The following ELK4 variants were observed in gnomAD, a reference collection of about 807,000 sequenced individuals.
ELK4 encodes the protein ETS domain-containing protein Elk-4.
A neutral mutation model predicts 29.6 loss-of-function variants in ELK4; 16 were observed. The observed-to-expected ratio is 0.54, with a 90% CI of 0.37 to 0.82. ELK4 has a LOEUF of 0.82. Among genes scored for constraint, ELK4 ranks in the 40% least tolerant of loss-of-function variants. The probability of loss-of-function intolerance (pLI) is 0.00; values close to 1 mark genes in which losing one functional copy is unlikely to be tolerated. For missense variants in ELK4, 465 were observed against 507.1 expected (o/e 0.92, Z 0.80); for synonymous variants, 213 against 191.1 (o/e 1.11, Z -0.95).
At chr1:205,624,984 C>T (rs554347902) in intron 1 of ELK4, among the ~76,000 whole-genome samples, 5 of 152,116 alleles carry the variant, frequency 3.3e-5, no homozygotes, top group South Asian at 4.2e-4. Flanking sequence ...TGGCCAAATC[C>T]GTATAAGTGT....
chr1:205,616,439 T>C lies in ELK4; in HGVS notation c.*107A>G, dbSNP rs1670232903. 3 of 995,164 alleles carry C rather than the reference T, an allele frequency of 3.0e-6. No homozygotes were observed. Among genetic ancestry groups the C allele is most frequent in the South Asian group, 3.1e-5 (2 of 63,528 alleles). The allele number at this position is 995,164 out of a possible 1,614,324, so 61.6% of individuals were successfully genotyped here. ...CAATGGGGAATGGCAAAAATCACAA[T>C]AGTCTATTATCAGCATTGTAGAACT... On this transcript the variant is annotated 3_prime_UTR_variant, in exon 5 of 5. Transcript: ENST00000357992.
In ELK4 at chr1:205,620,079, T is replaced by C. The variant is rs1670304164; in HGVS notation, c.967A>G (p.Lys323Glu). The change falls in exon 3 of 5, where the codon AAA (lysine) becomes GAA (glutamate). Residue 323 changes from lysine (K) to glutamate (E), a missense_variant. By Grantham distance (56) the Lys-to-Glu change is moderately conservative. Transcript: ENST00000357992. ...AGGGTGGGTGCCAGTTCTAACCCTT[T>C]GGGTTTCTTGGATCTTGATGAATTA... is the stretch of plus-strand genomic sequence containing the variant. ...VNNSSRSKKP[K>E]GLELAPTLVI... 5.0e-6 allele frequency: 8 copies of C among 1,614,112 alleles called. No individual in the cohort carries two copies. Among genetic ancestry groups the C allele is most frequent in the Non-Finnish European group, 6.8e-6 (8 of 1,180,058 alleles).
intron 1 of ELK4, chr1:205,625,521 A>C (rs1306044330): frequency 6.6e-6 from 5 of 756,898 alleles, no homozygotes; most frequent in Admixed American, 5.3e-5. Flanking sequence ...CGTTCAAGAA[A>C]CGGGCGGCTC....
In ELK4 at chr1:205,626,024, T is replaced by C. The variant is rs904827258; in HGVS notation, c.-9-2133A>G. 32 of 1,451,072 alleles carry C rather than the reference T, an allele frequency of 2.2e-5. No individual in the cohort carries two copies. In the African/African-American group the frequency reaches 4.3e-4, roughly 20 times the overall value. The allele number at this position is 1,451,072 out of a possible 1,614,324, so 89.9% of individuals were successfully genotyped here. On this transcript the variant is annotated intron_variant, in intron 1 of 4. Transcript: ENST00000357992. Reference sequence around the variant, plus strand: ...AGCGAATTCATCTCCGAGCTGAGGATGCCTTGTTTTTCTTTGTCAACAATG... The same window carrying C: ...AGCGAATTCATCTCCGAGCTGAGGACGCCTTGTTTTTCTTTGTCAACAATG...
intron 2 of ELK4, among the ~76,000 whole-genome samples, chr1:205,621,172 T>C (rs1670338636): frequency 8.2e-6 from 1 of 121,994 alleles, no homozygotes; most frequent in Non-Finnish European, 1.6e-5. Flanking sequence ...TCCAGCCTGG[T>C]GACAGAGCAA....
chr1:205,626,041 T>G, intron 1 of ELK4: 2 of 1,409,776 alleles, frequency 1.4e-6, no homozygotes, highest in African/African-American at 2.8e-5. Flanking sequence ...TTTTTCTTTG[T>G]CAACAATGTC....
chr1:205,624,938 C>A (rs1171181668), intron 1 of ELK4, among the ~76,000 whole-genome samples: 1 of 152,200 alleles, frequency 6.6e-6, no homozygotes, highest in Middle Eastern at 3.4e-3. Context: ...TTCAAAACAC[C>A]TTTCTATTAG....
In ELK4 at chr1:205,631,895, A is replaced by G. The variant is rs1174863827; in HGVS notation, c.-273T>C. On this transcript the variant is annotated 5_prime_UTR_variant, in exon 1 of 5. Coordinates refer to ENST00000357992, the MANE Select transcript of ELK4 (RefSeq NM_001973.4). ...CGGCGGCGCGGGTCTTGGGGCCGCTACACGCCGGGCGCGCGCGTTCGGGGC... is the reference window on the plus strand; with the variant it reads ...CGGCGGCGCGGGTCTTGGGGCCGCTGCACGCCGGGCGCGCGCGTTCGGGGC... 6.7e-6 allele frequency: 1 copy of G among 149,404 alleles called. No homozygotes were observed. The highest frequency in any genetic ancestry group is 2.4e-5 in the African/African-American group (1 of 40,976). 9.3% of individuals were successfully genotyped at this position (149,404 alleles called of 1,614,324 possible).
rs113214027 is a variant in ELK4 at position 205,613,017 on chromosome 1, C to CTT, written c.*3527_*3528dup. 45 of 178,534 alleles carry CTT rather than the reference C, an allele frequency of 2.5e-4. No individual in the cohort carries two copies. The highest frequency in any genetic ancestry group is 1.9e-3 in the Middle Eastern group (1 of 534). 11.1% of individuals were successfully genotyped at this position (178,534 alleles called of 1,614,324 possible). On this transcript the variant is annotated 3_prime_UTR_variant, in exon 5 of 5. Transcript: ENST00000357992. ...GTTGACCTTTCAAGGGCCTCTAATT[C>CTT]TTTTTTTTTTTTCCTGACCGTACTC...
rs1358218596 is a variant in ELK4, at chr1:205,612,530, C to G, written c.*4016G>C. The G allele has an allele frequency of 4.7e-6, 1 of 213,524 alleles. No individual in the cohort carries two copies. The highest frequency in any genetic ancestry group is 9.5e-6 in the Non-Finnish European group (1 of 105,768). The allele number at this position is 213,524 out of a possible 1,614,324, so 13.2% of individuals were successfully genotyped here. A position where few individuals can be genotyped will look rare whatever the true frequency, so the allele number is the denominator to read the frequency against. ...TAGGGAAAGTTTTTATGTTCAATAA[C>G]TCTTACTGATCAATTTGTGTGTTCA... On this transcript the variant is annotated 3_prime_UTR_variant, in exon 5 of 5. Coordinates refer to ENST00000357992, the MANE Select transcript of ELK4 (RefSeq NM_001973.4).
In ELK4 at chr1:205,628,996, A is replaced by C. The variant is rs1571508915; in HGVS notation, c.-10+2636T>G. 2.0e-5 allele frequency among the ~76,000 whole-genome samples: 3 copies of C among 151,854 alleles called. 1 individual carries two copies. The South Asian group carries it at 6.3e-4, about 32-fold the overall frequency. On this transcript the variant is annotated intron_variant, in intron 1 of 4. Coordinates refer to ENST00000357992, the MANE Select transcript of ELK4 (RefSeq NM_001973.4). ...AGACCATCCTGGCTAACAAGGTGAAACCCCCGTGTCTATTAAAAATACAAA... is the reference window on the plus strand; with the variant it reads ...AGACCATCCTGGCTAACAAGGTGAACCCCCCGTGTCTATTAAAAATACAAA...
chr1:205,631,507 G>GCCCGGC (rs151185582), intron 1 of ELK4, 125 bp downstream of exon 1: 7 of 149,730 alleles, frequency 4.7e-5, no homozygotes, highest in Non-Finnish European at 8.9e-5. Context: ...GAGCGCGCGC[G>GCCCGGC]CCCGGCCCCG....
intron 2 of ELK4, 46 bp from the exon 3 acceptor site, chr1:205,620,884 A>C (rs926345695): frequency 6.5e-7 from 1 of 1,534,506 alleles, no homozygotes; most frequent in Admixed American, 2.0e-5. Flanking sequence ...TTATAAACTT[A>C]TATCCCATAG....
At chr1:205,618,830 A>G (rs1185982971) in intron 4 of ELK4, 127 bp downstream of exon 4, 9 of 698,974 alleles carry the variant, frequency 1.3e-5, no homozygotes, top group Non-Finnish European at 2.1e-5. Context: ...TCTCAAAAAA[A>G]TAAAAAAAGA....
intron 2 of ELK4, among the ~76,000 whole-genome samples, chr1:205,622,180 T>C (rs61822903): frequency 0.16 from 23,646 of 151,934 alleles, 2,147 homozygotes; most frequent in East Asian, 0.35. Flanking sequence ...CGCCACTGTG[T>C]TCCAGCCTGG....
Position 205,619,260 on chromosome 1 carries a change from A to G in ELK4, c.1081-187T>C, listed in dbSNP as rs1670286444. 3.8e-6 allele frequency: 4 copies of G among 1,056,338 alleles called. No individual in the cohort carries two copies. The South Asian group carries it at 1.4e-4, about 37-fold the overall frequency. 65.4% of individuals were successfully genotyped at this position (1,056,338 alleles called of 1,614,324 possible). A position where few individuals can be genotyped will look rare whatever the true frequency, so the allele number is the denominator to read the frequency against. ...CAAACTAAGAGGGATAAAGGTGATA[A>G]TAACTACTTAAAATTTTTTAAATTT... On this transcript the variant is annotated intron_variant, in intron 3 of 4. Coordinates refer to ENST00000357992, the MANE Select transcript of ELK4 (RefSeq NM_001973.4).
At position 205,625,986 on chromosome 1, in the gene ELK4, T is replaced by C. The variant is rs564286049; in HGVS notation, c.-9-2095A>G. On this transcript the variant is annotated intron_variant, in intron 1 of 4. Coordinates refer to ENST00000357992, the MANE Select transcript of ELK4 (RefSeq NM_001973.4). ...GCCACTGCGCCCGGCCCAGTTCTAC[T>C]TCTTGATCCAGAAGCGAATTCATCT... 1.1e-3 allele frequency: 1,477 copies of C among 1,284,540 alleles called. 3 individuals are homozygous for C. Among genetic ancestry groups the C allele is most frequent in the Middle Eastern group, 1.8e-3 (7 of 3,854 alleles). The allele number at this position is 1,284,540 out of a possible 1,614,324, so 79.6% of individuals were successfully genotyped here. A position where few individuals can be genotyped will look rare whatever the true frequency, so the allele number is the denominator to read the frequency against.
At chr1:205,630,615 ACT>A (rs1670561467) in intron 1 of ELK4, among the ~76,000 whole-genome samples, 1 of 152,230 alleles carries the variant, frequency 6.6e-6, no homozygotes, top group Non-Finnish European at 1.5e-5. Flanking sequence ...CCTAAAAAAT[ACT>A]CTTTGTATAG....
chr1:205,619,170 A>G, intron 3 of ELK4, 97 bp from the exon 4 acceptor site: 1 of 1,200,974 alleles, frequency 8.3e-7, no homozygotes, highest in Non-Finnish European at 1.1e-6. Context: ...ATATTGCCCT[A>G]TCCTCCACTC....
Sources: gnomAD v4.1 joint callset for allele counts (sites outside exome capture counted in the v4.1 genomes callset) on GRCh38, gnomAD v4.1.1 for gene constraint, MANE v1.5 for transcripts, NCBI Gene and HGNC (gene_info 2026-07-23, HGNC 2026-07-21) for gene names.